The following SH3BGRL2 variants were observed in gnomAD, a reference collection of about 807,000 sequenced individuals.
SH3BGRL2 encodes the protein SH3 domain binding glutamate rich protein like 2.
Under a neutral mutation model 14.8 loss-of-function variants are expected in SH3BGRL2, and 21 were observed. That is an observed-to-expected ratio of 1.42 (90% confidence interval 1.01 to 2.05). SH3BGRL2 has a LOEUF of 2.05. Ranked by LOEUF, SH3BGRL2 falls within the 30% of genes most tolerant of loss-of-function variation. The pLI is 0.00. For missense variants in SH3BGRL2, 147 were observed against 130.8 expected (o/e 1.12, Z -0.61); for synonymous variants, 50 against 47.8 (o/e 1.05, Z -0.19).
At chr6:79,683,350 A>T (rs1298098035) in intron 2 of SH3BGRL2, among the ~76,000 whole-genome samples, 6 of 152,140 alleles carry the variant, frequency 3.9e-5, no homozygotes, top group African/African-American at 9.7e-5. Flanking sequence ...CCACCTGGTA[A>T]ATATTTTAGG....
chr6:79,559,954 G>A, the SH3BGRL2 span, among the ~76,000 whole-genome samples: 1 of 152,122 alleles, frequency 6.6e-6, no homozygotes, highest in East Asian at 1.9e-4. Flanking sequence ...ATTTGAAATT[G>A]TTTCTAAATA....
the SH3BGRL2 span, among the ~76,000 whole-genome samples, chr6:79,556,897 C>A: frequency 2.0e-5 from 3 of 151,744 alleles, no homozygotes; most frequent in Admixed American, 2.0e-4. Context: ...CATTAACTGT[C>A]TTTGGATAAT....
intron 1 of SH3BGRL2, among the ~76,000 whole-genome samples, chr6:79,662,239 A>G (rs1769565551): frequency 1.3e-5 from 2 of 152,152 alleles, no homozygotes; most frequent in Non-Finnish European, 2.9e-5. Flanking sequence ...TCTTCATAGC[A>G]TCGATGGTCT....
the SH3BGRL2 span, among the ~76,000 whole-genome samples, chr6:79,580,179 A>G: frequency 1.3e-5 from 2 of 152,174 alleles, no homozygotes; most frequent in African/African-American, 2.4e-5. Context: ...AGAGACTTAG[A>G]CTCCCACACA....
At chr6:79,615,074 C>T in the SH3BGRL2 span, among the ~76,000 whole-genome samples, 1 of 152,126 alleles carries the variant, frequency 6.6e-6, no homozygotes, top group East Asian at 1.9e-4. Context: ...CAGAGGAAGC[C>T]AGAGGACTCA....
rs757516581 is a variant in SH3BGRL2, at chr6:79,645,934, A to G, written c.45+14428A>G. Among the ~76,000 whole-genome samples the G allele has an allele frequency of 1.3e-4, 20 of 152,202 alleles. 1 individual carries two copies. The highest frequency in any genetic ancestry group is 2.8e-4 in the Non-Finnish European group (19 of 68,032). ...TCAAAACTGCTACTCTGAGGTTATT[A>G]ACTCTAGGGTAGAACTGCCTTGAAA... On this transcript the variant is annotated intron_variant, in intron 1 of 3. Coordinates refer to ENST00000369838, the MANE Select transcript of SH3BGRL2 (RefSeq NM_031469.4).
At chr6:79,556,337 A>T in the SH3BGRL2 span, among the ~76,000 whole-genome samples, 17,237 of 152,168 alleles carry the variant, frequency 0.11, 1,094 homozygotes, top group Non-Finnish European at 0.13. Context: ...AAAAATACAA[A>T]GTCTCCACTA....
the SH3BGRL2 span, among the ~76,000 whole-genome samples, chr6:79,577,062 CCTCT>C: frequency 2.0e-5 from 3 of 151,938 alleles, no homozygotes; most frequent in Admixed American, 6.6e-5. Flanking sequence ...GGTTCTCTTC[CCTCT>C]CTCTGTCTCT....
At chr6:79,567,955 A>G in the SH3BGRL2 span, among the ~76,000 whole-genome samples, 3 of 152,206 alleles carry the variant, frequency 2.0e-5, no homozygotes, top group Non-Finnish European at 1.5e-5. Flanking sequence ...ACAGAAGAGG[A>G]AAAACCAATG....
chr6:79,662,192 T>A (rs1212844674), intron 1 of SH3BGRL2, among the ~76,000 whole-genome samples: 1 of 152,200 alleles, frequency 6.6e-6, no homozygotes, highest in Non-Finnish European at 1.5e-5. Context: ...GTCATTATGA[T>A]GTTAGCTGGT....
the SH3BGRL2 span, among the ~76,000 whole-genome samples, chr6:79,560,476 G>A: frequency 3.9e-5 from 6 of 152,092 alleles, no homozygotes; most frequent in African/African-American, 9.7e-5. Flanking sequence ...AGGAGTTGGA[G>A]GTTGTAATGT....
At chr6:79,676,429 A>G (rs967818801) in intron 2 of SH3BGRL2, among the ~76,000 whole-genome samples, 1 of 152,120 alleles carries the variant, frequency 6.6e-6, no homozygotes, top group East Asian at 1.9e-4. Flanking sequence ...TGATGCCTCC[A>G]GTTCCTGACC....
At chr6:79,653,375 T>C (rs939234176) in intron 1 of SH3BGRL2, among the ~76,000 whole-genome samples, 1 of 152,210 alleles carries the variant, frequency 6.6e-6, no homozygotes, top group Admixed American at 6.5e-5. Flanking sequence ...CATCTGATTA[T>C]CTCCACTTAG....
intron 1 of SH3BGRL2, among the ~76,000 whole-genome samples, chr6:79,634,557 G>A (rs991856468): frequency 3.0e-4 from 45 of 152,114 alleles, no homozygotes; most frequent in African/African-American, 1.0e-3. Flanking sequence ...ATTGAAATCC[G>A]TCAATTATTT....
the SH3BGRL2 span, among the ~76,000 whole-genome samples, chr6:79,596,875 T>A: frequency 6.6e-6 from 1 of 152,132 alleles, no homozygotes; most frequent in South Asian, 2.1e-4. Flanking sequence ...AATTCATACC[T>A]CCCAATTACA....
chr6:79,658,016 C>T (rs1377366556), intron 1 of SH3BGRL2, among the ~76,000 whole-genome samples: 1 of 152,156 alleles, frequency 6.6e-6, no homozygotes, highest in African/African-American at 2.4e-5. Flanking sequence ...CATCCAGCCA[C>T]GGGCAGGGCG....
At chr6:79,543,289 T>G in the SH3BGRL2 span, among the ~76,000 whole-genome samples, 1 of 152,246 alleles carries the variant, frequency 6.6e-6, no homozygotes, top group South Asian at 2.1e-4. Flanking sequence ...TTTTGACACC[T>G]AGTATATATT....
intron 1 of SH3BGRL2, among the ~76,000 whole-genome samples, chr6:79,668,266 T>G (rs1769701600): frequency 6.6e-6 from 1 of 152,134 alleles, no homozygotes; most frequent in Admixed American, 6.5e-5. Flanking sequence ...AGTAGGGGGT[T>G]AAGGCTGAGT....
At chr6:79,581,245 T>A in the SH3BGRL2 span, among the ~76,000 whole-genome samples, 1 of 152,120 alleles carries the variant, frequency 6.6e-6, no homozygotes, top group East Asian at 1.9e-4. Flanking sequence ...TCTGAAACGA[T>A]TCCAATCAAC....
Sources: allele counts gnomAD v4.1 joint callset (sites outside exome capture counted in the v4.1 genomes callset), GRCh38; gene constraint gnomAD v4.1.1; transcripts MANE v1.5; gene names NCBI Gene and HGNC (gene_info 2026-07-23, HGNC 2026-07-21).